Variants in RANBP2 observed in about 807,000 individuals in gnomAD.
RANBP2 encodes the protein RAN binding protein 2.
Under a neutral mutation model 303.6 loss-of-function variants are expected in RANBP2, and 57 were observed. The observed-to-expected ratio is 0.19, with a 90% CI of 0.15 to 0.23. The LOEUF (loss-of-function observed/expected upper bound fraction) is 0.23. RANBP2 is among the 10% of genes least tolerant of loss of function. RANBP2 has a pLI of 1.00. For missense variants in RANBP2, 3,138 were observed against 3,780.8 expected, an observed-to-expected ratio of 0.83 and a Z score of 4.46; for synonymous variants, 1,167 against 1,301.5, an observed-to-expected ratio of 0.90 and a Z score of 2.23.
chr2:109,564,202 A>T, the RANBP2 span: 1 of 545,726 alleles, frequency 1.8e-6, no homozygotes, highest in Non-Finnish European at 2.9e-6. Context: ...AGCAAGAAGG[A>T]GTCAAGTGAT....
At chr2:108,750,379 A>T (rs1211080833) in intron 9 of RANBP2, among the ~76,000 whole-genome samples, 1 of 152,112 alleles carries the variant, frequency 6.6e-6, no homozygotes, top group Non-Finnish European at 1.5e-5. Context: ...CAACTTTTCC[A>T]CTGTTAATAA....
chr2:108,778,023 G>T (rs1395492620), intron 25 of RANBP2, among the ~76,000 whole-genome samples: 1 of 151,872 alleles, frequency 6.6e-6, no homozygotes, highest in African/African-American at 2.4e-5. Context: ...TGTTATGTTG[G>T]AATTCATGGC....
the RANBP2 span, among the ~76,000 whole-genome samples, chr2:109,168,607 C>T: frequency 1.6e-4 from 24 of 152,150 alleles, no homozygotes; most frequent in Non-Finnish European, 2.1e-4. Context: ...CTGATCTGGC[C>T]GTAGGTGGTA....
chr2:108,893,956 T>TATCA, the RANBP2 span, among the ~76,000 whole-genome samples: 189 of 152,266 alleles, frequency 1.2e-3, no homozygotes, highest in African/African-American at 4.5e-3. Flanking sequence ...CCCCAATACA[T>TATCA]ATCATTTTCT....
At chr2:109,763,461 C>T in the RANBP2 span, among the ~76,000 whole-genome samples, 1 of 150,094 alleles carries the variant, frequency 6.7e-6, no homozygotes, top group Admixed American at 6.8e-5. Context: ...CAGACAATTG[C>T]CATTTTCTAG....
chr2:109,487,077 C>A, the RANBP2 span, among the ~76,000 whole-genome samples: 21 of 152,176 alleles, frequency 1.4e-4, no homozygotes, highest in African/African-American at 4.6e-4. Context: ...CAGAAGAAGG[C>A]AGTCAGGAAA....
At chr2:109,055,340 G>C in the RANBP2 span, among the ~76,000 whole-genome samples, 1 of 147,428 alleles carries the variant, frequency 6.8e-6, no homozygotes, top group African/African-American at 2.5e-5. Flanking sequence ...ATGTGTATAT[G>C]TCTTGCCTTT....
the RANBP2 span, among the ~76,000 whole-genome samples, chr2:109,013,781 T>C: frequency 2.6e-4 from 39 of 152,114 alleles, no homozygotes; most frequent in Non-Finnish European, 5.0e-4. Context: ...GATTTCACCA[T>C]GTTAGCCAGC....
At chr2:109,195,522 T>G in the RANBP2 span, among the ~76,000 whole-genome samples, 1 of 152,220 alleles carries the variant, frequency 6.6e-6, no homozygotes, top group Non-Finnish European at 1.5e-5. Context: ...CTACGTTCTT[T>G]AGAGGCCTGC....
At chr2:109,405,731 C>T in the RANBP2 span, among the ~76,000 whole-genome samples, 2 of 152,198 alleles carry the variant, frequency 1.3e-5, no homozygotes, top group Non-Finnish European at 2.9e-5. Context: ...CAAATCAATT[C>T]CCCCACTGTC....
the RANBP2 span, among the ~76,000 whole-genome samples, chr2:109,461,473 G>A: frequency 3.2e-5 from 3 of 93,624 alleles, no homozygotes; most frequent in East Asian, 3.5e-4. Flanking sequence ...GAGGCCCCAC[G>A]TAGCATCCCT....
At chr2:108,771,959 T>C (rs989704194) in intron 21 of RANBP2, 88 bp downstream of exon 21, 5 of 1,498,236 alleles carry the variant, frequency 3.3e-6, no homozygotes, top group Non-Finnish European at 4.6e-6. Flanking sequence ...AGCCTGCCTC[T>C]TAGAACTTAT....
the RANBP2 span, among the ~76,000 whole-genome samples, chr2:109,210,344 A>G: frequency 3.9e-5 from 6 of 152,350 alleles, no homozygotes; most frequent in Admixed American, 3.3e-4. Flanking sequence ...CAAGATTTTT[A>G]ATGTCACTGA....
chr2:109,116,154 T>A, the RANBP2 span, among the ~76,000 whole-genome samples: 1 of 152,208 alleles, frequency 6.6e-6, no homozygotes, highest in Non-Finnish European at 1.5e-5. Context: ...GTTCTCTGTA[T>A]TTCCTGAATC....
the RANBP2 span, among the ~76,000 whole-genome samples, chr2:109,027,170 A>G: frequency 7.1e-6 from 1 of 141,216 alleles, no homozygotes; most frequent in Non-Finnish European, 1.5e-5. Context: ...AGAATCCTGG[A>G]GGCGGAGGTT....
At chr2:108,791,678 AGAT>A in the RANBP2 span, 5 of 1,604,634 alleles carry the variant, frequency 3.1e-6, no homozygotes, top group Non-Finnish European at 4.3e-6. Context: ...TTTAAAGCCT[AGAT>A]GATGAACTGG....
At chr2:109,053,191 T>C in the RANBP2 span, among the ~76,000 whole-genome samples, 1 of 152,128 alleles carries the variant, frequency 6.6e-6, no homozygotes, top group Non-Finnish European at 1.5e-5. Flanking sequence ...ACAAATCCCC[T>C]CCAGCAACAT....
At chr2:108,792,096 C>T in the RANBP2 span, among the ~76,000 whole-genome samples, 1 of 152,142 alleles carries the variant, frequency 6.6e-6, no homozygotes, top group African/African-American at 2.4e-5. Context: ...AGAAAATACT[C>T]CAGATTATTT....
the RANBP2 span, among the ~76,000 whole-genome samples, chr2:109,376,736 G>A: frequency 3.9e-5 from 6 of 152,210 alleles, no homozygotes; most frequent in African/African-American, 1.2e-4. Flanking sequence ...TGGTGTGTGC[G>A]TGAGTGGTCA....
Sources: gnomAD v4.1 joint callset for allele counts (sites outside exome capture counted in the v4.1 genomes callset) on GRCh38, gnomAD v4.1.1 for gene constraint, MANE v1.5 for transcripts, NCBI Gene and HGNC (gene_info 2026-07-23, HGNC 2026-07-21) for gene names.